ANKRD36C: variants seen among roughly 807,000 people sequenced by gnomAD.
The protein encoded by ANKRD36C is ankyrin repeat domain 36C.
Under a neutral mutation model 276.4 loss-of-function variants are expected in ANKRD36C, and 61 were observed. The observed-to-expected ratio is 0.22, with a 90% CI of 0.18 to 0.27. The LOEUF (loss-of-function observed/expected upper bound fraction) is 0.27. Among genes scored for constraint, ANKRD36C ranks in the 10% least tolerant of loss-of-function variants. The probability of loss-of-function intolerance (pLI) is 1.00; values close to 1 mark genes in which losing one functional copy is unlikely to be tolerated. For missense variants in ANKRD36C, 1,447 were observed against 2,032.3 expected, an observed-to-expected ratio of 0.71 and a Z score of 5.54; for synonymous variants, 483 against 680.1, an observed-to-expected ratio of 0.71 and a Z score of 4.51.
chr2:95,991,582 G>A (rs1558667451), exon 1 of ANKRD36C: 3 of 1,613,776 alleles, frequency 1.9e-6, no homozygotes, highest in African/African-American at 2.7e-5. Flanking sequence ...TCCAGATCAC[G>A]ATAGAAGACA....
chr2:95,892,457 A>C (rs1341821751), intron 44 of ANKRD36C, among the ~76,000 whole-genome samples: 3 of 151,512 alleles, frequency 2.0e-5, no homozygotes, highest in African/African-American at 7.3e-5. Flanking sequence ...TGGTGTAATA[A>C]TCTGCCTAAG....
chr2:95,920,024 A>G, intron 34 of ANKRD36C, 104 bp from the exon 35 acceptor site: 1 of 1,303,736 alleles, frequency 7.7e-7, no homozygotes, highest in Non-Finnish European at 1.0e-6. Flanking sequence ...TGCCTGTACT[A>G]GTGTAGGCTC....
rs1676292117 is a variant in ANKRD36C at position 95,889,801 on chromosome 2, GTCCCAGATATTTGTTCATCC to G, written c.2937_2956del (p.Lys979AsnfsTer15). On this transcript the variant is annotated frameshift_variant, in exon 48 of 67. Transcript: ENST00000456556. LOFTEE classifies it high-confidence loss of function. ...ATTAAATGTGTTTGCAAAATTACCT[GTCCCAGATATTTGTTCATCC>G]TTTGTTTCTGTGGCCATATTCGGAA... 1 of 1,586,448 alleles carries G rather than the reference GTCCCAGATATTTGTTCATCC, an allele frequency of 6.3e-7. No individual in the cohort carries two copies. The highest frequency in any genetic ancestry group is 1.3e-5 in the African/African-American group (1 of 74,308).
intron 6 of ANKRD36C, among the ~76,000 whole-genome samples, chr2:95,963,984 T>TATATATAA (rs1558658668): frequency 3.6e-4 from 7 of 19,350 alleles, no homozygotes; most frequent in Admixed American, 6.5e-4. Context: ...TATATATATA[T>TATATATAA]ATATATATAT....
chr2:95,970,119 T>C (rs180825754), intron 6 of ANKRD36C, among the ~76,000 whole-genome samples: 20 of 152,260 alleles, frequency 1.3e-4, no homozygotes, highest in Admixed American at 4.6e-4. Context: ...TCTAGATCTA[T>C]GAAAACTGTA....
In ANKRD36C at chr2:95,918,056, G is replaced by C. The variant is rs1439889159; in HGVS notation, c.2246-14C>G. Reference sequence around the variant, plus strand: ...TCTGAGAAGACACTGAAAAGCAAAAGGGATACATAATCACTCATGTGTAAA... The same window carrying C: ...TCTGAGAAGACACTGAAAAGCAAAACGGATACATAATCACTCATGTGTAAA... On this transcript the variant is annotated splice_polypyrimidine_tract_variant and intron_variant, in intron 34 of 66. Transcript: ENST00000456556. 6.3e-6 allele frequency: 10 copies of C among 1,599,030 alleles called. No individual in the cohort carries two copies.
At chr2:95,986,000 C>T (rs1376448074) in intron 3 of ANKRD36C, among the ~76,000 whole-genome samples, 1 of 151,980 alleles carries the variant, frequency 6.6e-6, no homozygotes, top group South Asian at 2.1e-4. Flanking sequence ...AACTGTGTGC[C>T]GCTTCATCAC....
chr2:95,862,189 G>T (rs1037875122), intron 60 of ANKRD36C, among the ~76,000 whole-genome samples: 2 of 151,966 alleles, frequency 1.3e-5, no homozygotes, highest in Non-Finnish European at 2.9e-5. Context: ...AGAACAAGAA[G>T]GCAGAAAATC....
chr2:95,924,606 G>GA (rs1285104706), intron 30 of ANKRD36C, among the ~76,000 whole-genome samples: 5 of 151,390 alleles, frequency 3.3e-5, no homozygotes, highest in African/African-American at 7.3e-5. Flanking sequence ...CAGCACTTTG[G>GA]AAAAAAGCTA....
At chr2:95,925,449 G>C in intron 29 of ANKRD36C, 25 bp from the exon 30 acceptor site, 1 of 1,548,374 alleles carries the variant, frequency 6.5e-7, no homozygotes, top group East Asian at 2.4e-5. Flanking sequence ...AAACAAAATA[G>C]TCAATACATA....
intron 17 of ANKRD36C, among the ~76,000 whole-genome samples, chr2:95,946,487 G>T (rs1437980004): frequency 2.8e-5 from 4 of 143,326 alleles, no homozygotes; most frequent in African/African-American, 1.0e-4. Flanking sequence ...AACCATTGTG[G>T]AAGTCAGTGT....
chr2:95,968,638 A>C, intron 6 of ANKRD36C, among the ~76,000 whole-genome samples: 1 of 152,220 alleles, frequency 6.6e-6, no homozygotes, highest in Admixed American at 6.5e-5. Context: ...AGCAACAAGC[A>C]AACAATCAAT....
At chr2:95,849,574 A>G (rs972037469), downstream of ANKRD36C, among the ~76,000 whole-genome samples, 9 of 152,134 alleles carry the variant, frequency 5.9e-5, no homozygotes, top group African/African-American at 2.2e-4. Context: ...CTTTATTCCT[A>G]TTATTACTAC....
intron 48 of ANKRD36C, 112 bp downstream of exon 68, chr2:95,889,687 A>C: frequency 1.4e-6 from 2 of 1,390,034 alleles, no homozygotes; most frequent in Non-Finnish European, 2.0e-6. Context: ...TAATCTCAGG[A>C]ATACTGAATC....
intron 12 of ANKRD36C, among the ~76,000 whole-genome samples, chr2:95,957,506 G>T (rs1678356152): frequency 6.6e-6 from 1 of 152,300 alleles, no homozygotes; most frequent in Non-Finnish European, 1.5e-5. Flanking sequence ...GTATAATAAT[G>T]AGCCTACACT....
chr2:95,915,983 T>C (rs1309928888), exon 38 of ANKRD36C: 1 of 1,548,690 alleles, frequency 6.5e-7, no homozygotes, highest in Non-Finnish European at 8.7e-7. Flanking sequence ...AAATTACCTG[T>C]CCTAGATATT....
intron 48 of ANKRD36C, among the ~76,000 whole-genome samples, chr2:95,889,435 A>T (rs528964609): frequency 1.9e-4 from 29 of 151,670 alleles, no homozygotes; most frequent in Admixed American, 1.4e-3. Context: ...CCCTCTGTTT[A>T]TCACAATACA....
In ANKRD36C at chr2:95,891,660, A is replaced by C; in HGVS notation, c.2857+5T>G. 1 of 1,554,038 alleles carries C rather than the reference A, an allele frequency of 6.4e-7. No homozygotes were observed. Among genetic ancestry groups the C allele is most frequent in the East Asian group, 2.4e-5 (1 of 41,832 alleles). ...ACATGACATTAAATCTCTTTTCAAA[A>C]TTACCTCTCCTAGTTTTTTCTCCAT... On this transcript the variant is annotated splice_donor_5th_base_variant and intron_variant, in intron 46 of 66. Transcript: ENST00000456556.
chr2:95,930,286 G>C (rs1381064330), intron 24 of ANKRD36C, among the ~76,000 whole-genome samples: 1 of 151,370 alleles, frequency 6.6e-6, no homozygotes, highest in Non-Finnish European at 1.5e-5. Flanking sequence ...GTAACAAAGA[G>C]GAGCAATGAG....
Sources: gnomAD v4.1 joint callset for allele counts (sites outside exome capture counted in the v4.1 genomes callset) on GRCh38, gnomAD v4.1.1 for gene constraint, MANE v1.5 for transcripts, NCBI Gene and HGNC (gene_info 2026-07-23, HGNC 2026-07-21) for gene names.